The following SGCZ variants were observed in gnomAD, a reference collection of about 807,000 sequenced individuals.
SGCZ encodes the protein zeta-sarcoglycan.
A neutral mutation model predicts 41.3 loss-of-function variants in SGCZ; 40 were observed. That is an observed-to-expected ratio of 0.97 (90% CI 0.75 to 1.26). The LOEUF is 1.26. Ranked by LOEUF, SGCZ falls within the 50% of genes most tolerant of loss-of-function variation. SGCZ has a pLI of 0.00. For missense variants in SGCZ, 552 were observed against 369.8 expected (o/e 1.49, Z -4.04); for synonymous variants, 206 against 137.5 (o/e 1.50, Z -3.49).
chr8:15,134,778 G>T (rs1808047084), intron 1 of SGCZ, among the ~76,000 whole-genome samples: 2 of 152,258 alleles, frequency 1.3e-5, no homozygotes, highest in African/African-American at 2.4e-5. Context: ...GATCAAATGA[G>T]TTTGGAAAAC....
chr8:14,274,807 T>C (rs1185678490), intron 3 of SGCZ, among the ~76,000 whole-genome samples: 2 of 152,210 alleles, frequency 1.3e-5, no homozygotes, highest in African/African-American at 4.8e-5. Context: ...TTATCAAAAT[T>C]ATTAAAATCA....
At chr8:14,526,070 T>C (rs1037142605) in intron 2 of SGCZ, among the ~76,000 whole-genome samples, 2 of 152,154 alleles carry the variant, frequency 1.3e-5, no homozygotes, top group Admixed American at 1.3e-4. Flanking sequence ...AGTATTTTGA[T>C]ATCTTACAGA....
intron 2 of SGCZ, among the ~76,000 whole-genome samples, chr8:14,476,454 A>ATG (rs990675813): frequency 6.6e-6 from 1 of 151,928 alleles, no homozygotes; most frequent in African/African-American, 2.4e-5. Flanking sequence ...TAATATATAT[A>ATG]TGTATGCATG....
At chr8:14,787,777 C>T (rs564964160) in intron 1 of SGCZ, among the ~76,000 whole-genome samples, 5 of 151,914 alleles carry the variant, frequency 3.3e-5, no homozygotes, top group South Asian at 2.1e-4. Context: ...ACTCGGGATG[C>T]GGAGATTGCG....
chr8:14,687,575 T>G (rs1808656604), intron 1 of SGCZ, among the ~76,000 whole-genome samples: 1 of 151,804 alleles, frequency 6.6e-6, no homozygotes, highest in African/African-American at 2.4e-5. Flanking sequence ...GTGCCACATT[T>G]TCTTAATCCA....
At chr8:14,186,598 C>T (rs1486848418) in intron 4 of SGCZ, among the ~76,000 whole-genome samples, 1 of 152,156 alleles carries the variant, frequency 6.6e-6, no homozygotes, top group Non-Finnish European at 1.5e-5. Flanking sequence ...AGAGATTTTA[C>T]TGAGAGAGAA....
At chr8:14,691,391 A>G (rs932907335) in intron 1 of SGCZ, among the ~76,000 whole-genome samples, 33 of 152,308 alleles carry the variant, frequency 2.2e-4, no homozygotes, top group African/African-American at 7.7e-4. Flanking sequence ...CAACCGATAC[A>G]TGAACAAACA....
chr8:15,114,745 G>A (rs1432378819), intron 1 of SGCZ, among the ~76,000 whole-genome samples: 4 of 149,238 alleles, frequency 2.7e-5, no homozygotes, highest in Non-Finnish European at 4.5e-5. Context: ...AGATACAAGC[G>A]TTTTCTTTTT....
chr8:14,296,937 T>C (rs1801031436), intron 3 of SGCZ, among the ~76,000 whole-genome samples: 1 of 152,200 alleles, frequency 6.6e-6, no homozygotes, highest in Non-Finnish European at 1.5e-5. Context: ...TTCTTTTTTT[T>C]TGAGTCGGAT....
intron 1 of SGCZ, among the ~76,000 whole-genome samples, chr8:14,917,785 A>T (rs765405632): frequency 1.3e-4 from 20 of 151,970 alleles, no homozygotes; most frequent in Admixed American, 3.9e-4. Flanking sequence ...AAACTAAATG[A>T]TTTCGTGTCT....
chr8:14,608,898 A>C (rs1805840641), intron 1 of SGCZ, among the ~76,000 whole-genome samples: 1 of 152,206 alleles, frequency 6.6e-6, no homozygotes. Flanking sequence ...TAATATTCTT[A>C]TGTAATAATA....
At chr8:14,230,772 G>T (rs1055815929) in intron 4 of SGCZ, among the ~76,000 whole-genome samples, 101 of 150,218 alleles carry the variant, frequency 6.7e-4, no homozygotes, top group African/African-American at 2.4e-3. Context: ...GTGGTGGGGG[G>T]GTGGTTACTC....
chr8:14,266,546 G>A (rs1003549266), intron 3 of SGCZ, among the ~76,000 whole-genome samples: 3 of 152,098 alleles, frequency 2.0e-5, no homozygotes, highest in African/African-American at 7.2e-5. Context: ...ATTAAATGGA[G>A]AGAGAAGGAA....
intron 2 of SGCZ, among the ~76,000 whole-genome samples, chr8:14,434,933 A>G (rs1800046266): frequency 6.6e-6 from 1 of 152,116 alleles, no homozygotes. Flanking sequence ...CAGACACCAC[A>G]TCTTTTGGGG....
At chr8:15,224,866 A>T (rs1219459430) in intron 1 of SGCZ, among the ~76,000 whole-genome samples, 1 of 152,194 alleles carries the variant, frequency 6.6e-6, no homozygotes, top group East Asian at 1.9e-4. Flanking sequence ...GGGATGAAGA[A>T]AGTCATCACC....
intron 1 of SGCZ, among the ~76,000 whole-genome samples, chr8:15,017,598 C>A (rs572080717): frequency 6.6e-6 from 1 of 152,036 alleles, no homozygotes; most frequent in South Asian, 2.1e-4. Context: ...ACCTCCCAGG[C>A]TCAAGTGATC....
chr8:14,808,469 A>G (rs1416531564), intron 1 of SGCZ, among the ~76,000 whole-genome samples: 1 of 152,194 alleles, frequency 6.6e-6, no homozygotes, highest in Admixed American at 6.5e-5. Context: ...GCAGCCAAAA[A>G]ACACATGAAA....
intron 1 of SGCZ, among the ~76,000 whole-genome samples, chr8:14,815,981 CA>C (rs1457708050): frequency 1.3e-5 from 2 of 152,146 alleles, no homozygotes; most frequent in Admixed American, 1.3e-4. Flanking sequence ...AGCCATTATA[CA>C]ATTTTAAATT....
chr8:14,213,895 A>G lies in SGCZ; in HGVS notation c.424+23697T>C, dbSNP rs542881349. On this transcript the variant is annotated intron_variant, in intron 4 of 7. Transcript: ENST00000382080. ...AATATATGTACATACTAGTTTTATA[A>G]TATCATTTATGTAGCTACTTTACCC... Among the ~76,000 whole-genome samples, 47 of 152,274 alleles carry G rather than the reference A, an allele frequency of 3.1e-4. No homozygotes were observed. In the South Asian group the frequency reaches 5.4e-3, roughly 17 times the overall value.
Sources: allele counts gnomAD v4.1 joint callset (sites outside exome capture counted in the v4.1 genomes callset), GRCh38; gene constraint gnomAD v4.1.1; transcripts MANE v1.5; gene names NCBI Gene and HGNC (gene_info 2026-07-23, HGNC 2026-07-21).